HS6ST3: variants seen among roughly 807,000 people sequenced by gnomAD.
HS6ST3 encodes heparan-sulfate 6-O-sulfotransferase 3.
Under a neutral mutation model 36.7 loss-of-function variants are expected in HS6ST3, and 12 were observed. The observed-to-expected ratio is 0.33, with a 90% CI of 0.21 to 0.53. HS6ST3 has a LOEUF of 0.53. Ranked by LOEUF, HS6ST3 falls within the 20% of genes least tolerant of loss-of-function variation. HS6ST3 has a pLI of 0.95. For synonymous variants in HS6ST3, 240 were observed against 257.5 expected, an observed-to-expected ratio of 0.93 and a Z score of 0.65; for missense variants, 584 against 640.9, an observed-to-expected ratio of 0.91 and a Z score of 0.96.
At chr13:96,614,339 C>T (rs778235082) in intron 1 of HS6ST3, among the ~76,000 whole-genome samples, 42 of 140,754 alleles carry the variant, frequency 3.0e-4, no homozygotes, top group African/African-American at 4.3e-4. Flanking sequence ...CAGTTATTAC[C>T]AGAGTGCAGC....
At chr13:96,808,979 A>G (rs1878260015) in intron 1 of HS6ST3, among the ~76,000 whole-genome samples, 1 of 152,188 alleles carries the variant, frequency 6.6e-6, no homozygotes, top group African/African-American at 2.4e-5. Context: ...AGAGACAAGA[A>G]GTTTTCCTGA....
intron 1 of HS6ST3, among the ~76,000 whole-genome samples, chr13:96,827,644 G>A (rs1273640146): frequency 6.6e-6 from 1 of 152,194 alleles, no homozygotes; most frequent in Non-Finnish European, 1.5e-5. Flanking sequence ...GTAGTTTCAA[G>A]TTGTACCCCC....
intron 1 of HS6ST3, among the ~76,000 whole-genome samples, chr13:96,399,811 T>A (rs1246442356): frequency 1.3e-5 from 2 of 152,378 alleles, no homozygotes; most frequent in East Asian, 3.9e-4. Context: ...ATAAGTTTAT[T>A]TGTGTATTTA....
intron 1 of HS6ST3, among the ~76,000 whole-genome samples, chr13:96,462,477 T>C (rs1234193854): frequency 6.6e-6 from 1 of 152,202 alleles, no homozygotes. Context: ...ACTTTATTAG[T>C]CTGGCAAAAG....
chr13:96,206,051 T>C (rs775965799), intron 1 of HS6ST3, among the ~76,000 whole-genome samples: 2 of 152,188 alleles, frequency 1.3e-5, no homozygotes, highest in Non-Finnish European at 2.9e-5. Flanking sequence ...CATGATCTTA[T>C]ATCTAGAAAA....
At chr13:96,475,507 C>A (rs901582516) in intron 1 of HS6ST3, among the ~76,000 whole-genome samples, 3 of 151,316 alleles carry the variant, frequency 2.0e-5, no homozygotes, top group African/African-American at 4.9e-5. Flanking sequence ...GAAACGTCTG[C>A]ATGTCCCTTG....
At chr13:96,626,927 A>G (rs972007682) in intron 1 of HS6ST3, among the ~76,000 whole-genome samples, 2 of 152,134 alleles carry the variant, frequency 1.3e-5, no homozygotes, top group Non-Finnish European at 2.9e-5. Flanking sequence ...CTGAAATCTC[A>G]TACATTGTAA....
At chr13:96,213,340 T>G (rs773205202) in intron 1 of HS6ST3, among the ~76,000 whole-genome samples, 2 of 152,190 alleles carry the variant, frequency 1.3e-5, no homozygotes, top group Admixed American at 6.5e-5. Context: ...TTCCTTTGCT[T>G]TTTTCTCTGA....
chr13:96,534,459 C>T (rs905216303), intron 1 of HS6ST3, among the ~76,000 whole-genome samples: 8 of 152,126 alleles, frequency 5.3e-5, no homozygotes, highest in African/African-American at 1.4e-4. Flanking sequence ...CCATCCATCC[C>T]GTGTGGTTGT....
rs1353006872 is a variant in HS6ST3 at position 96,726,566 on chromosome 13, AC to A, written c.708-105922del. On this transcript the variant is annotated intron_variant, in intron 1 of 1. Coordinates refer to ENST00000376705, the MANE Select transcript of HS6ST3 (RefSeq NM_153456.4). ...TTTAAATATTGGTCTTTATTATATA[AC>A]CTTACTAAACTAAGTTATTCTTGTA... is the stretch of plus-strand genomic sequence containing the variant. Among the ~76,000 whole-genome samples the A allele has an allele frequency of 3.9e-5, 6 of 152,288 alleles. No homozygotes were observed. In the East Asian group the frequency reaches 1.2e-3, roughly 29 times the overall value.
intron 1 of HS6ST3, among the ~76,000 whole-genome samples, chr13:96,292,154 T>G (rs990028061): frequency 6.6e-6 from 1 of 152,082 alleles, no homozygotes; most frequent in Non-Finnish European, 1.5e-5. Flanking sequence ...TGTGAGTGAA[T>G]TTAGGATACA....
intron 1 of HS6ST3, 67 bp downstream of exon 1, chr13:96,091,636 C>T: frequency 2.0e-6 from 3 of 1,467,872 alleles, no homozygotes; most frequent in Non-Finnish European, 2.7e-6. Flanking sequence ...AGTCCTGACC[C>T]AGAGCGACCC....
chr13:96,148,991 T>C (rs1243544622), intron 1 of HS6ST3, among the ~76,000 whole-genome samples: 2 of 152,220 alleles, frequency 1.3e-5, no homozygotes, highest in Non-Finnish European at 2.9e-5. Context: ...AAAAGAGGAT[T>C]GGTTCCAAAA....
intron 1 of HS6ST3, among the ~76,000 whole-genome samples, chr13:96,424,437 T>C (rs1473639691): frequency 1.3e-5 from 2 of 152,254 alleles, no homozygotes; most frequent in African/African-American, 4.8e-5. Flanking sequence ...AACATCCTTT[T>C]ACATAATGAA....
chr13:96,449,758 C>A (rs1410286933), intron 1 of HS6ST3, among the ~76,000 whole-genome samples: 3 of 152,140 alleles, frequency 2.0e-5, no homozygotes, highest in African/African-American at 7.2e-5. Flanking sequence ...ATAGAGAATG[C>A]AAGTAGTAGG....
intron 1 of HS6ST3, among the ~76,000 whole-genome samples, chr13:96,296,501 G>C (rs1001523267): frequency 6.6e-6 from 1 of 152,130 alleles, no homozygotes; most frequent in Non-Finnish European, 1.5e-5. Context: ...GTGGTCTGTA[G>C]ATTGTGAACT....
At chr13:96,157,391 T>C (rs2054115411) in intron 1 of HS6ST3, among the ~76,000 whole-genome samples, 1 of 152,194 alleles carries the variant, frequency 6.6e-6, no homozygotes, top group African/African-American at 2.4e-5. Context: ...ATCAAAAGAA[T>C]TTTATAAAAC....
At chr13:96,617,703 G>A (rs1235375546) in intron 1 of HS6ST3, among the ~76,000 whole-genome samples, 1 of 152,146 alleles carries the variant, frequency 6.6e-6, no homozygotes, top group African/African-American at 2.4e-5. Context: ...GGTTGGCAAG[G>A]GTTGGTCCCG....
chr13:96,187,716 G>A (rs990867340), intron 1 of HS6ST3, among the ~76,000 whole-genome samples: 10 of 152,098 alleles, frequency 6.6e-5, no homozygotes, highest in African/African-American at 1.4e-4. Flanking sequence ...TCATGGACTC[G>A]ACACGAGGAA....
Sources: allele counts gnomAD v4.1 joint callset (sites outside exome capture counted in the v4.1 genomes callset), GRCh38; gene constraint gnomAD v4.1.1; transcripts MANE v1.5; gene names NCBI Gene and HGNC (gene_info 2026-07-23, HGNC 2026-07-21).